Variants in NPEPL1 observed in about 807,000 individuals in gnomAD.
NPEPL1 encodes the protein probable aminopeptidase NPEPL1.
NPEPL1 carries 45 observed loss-of-function variants against 52.4 expected under a neutral mutation model. That is an observed-to-expected ratio of 0.86 (90% confidence interval 0.68 to 1.10). The LOEUF (loss-of-function observed/expected upper bound fraction) is 1.10. Ranked by LOEUF, NPEPL1 falls within the 50% of genes least tolerant of loss-of-function variation. The pLI is 0.00. For missense variants in NPEPL1, 696 were observed against 710.9 expected (o/e 0.98, Z 0.24); for synonymous variants, 360 against 314.7 (o/e 1.14, Z -1.52).
intron 6 of NPEPL1, chr20:58,703,882 C>G: frequency 5.1e-6 from 5 of 985,374 alleles, no homozygotes; most frequent in Non-Finnish European, 6.0e-6. Context: ...GAAAATGCGA[C>G]TATAGCCCCT....
intron 3 of NPEPL1, 98 bp from the exon 4 acceptor site, chr20:58,698,586 G>A: frequency 6.4e-6 from 6 of 940,522 alleles, no homozygotes; most frequent in Middle Eastern, 2.1e-4. Context: ...AGCCCTGTGG[G>A]TGATGTTTGC....
chr20:58,689,728 A>G (rs911488485), upstream of NPEPL1, among the ~76,000 whole-genome samples: 4 of 151,960 alleles, frequency 2.6e-5, no homozygotes, highest in African/African-American at 4.8e-5. Context: ...CCCTAACTCA[A>G]TCTTCTCCCA....
Position 58,693,036 on chromosome 20 carries a change from C to G in NPEPL1, c.136C>G (p.Arg46Gly). 1 of 1,051,974 alleles carries G rather than the reference C, an allele frequency of 9.5e-7. No individual in the cohort carries two copies. Among genetic ancestry groups the G allele is most frequent in the Non-Finnish European group, 1.1e-6 (1 of 870,156 alleles). 65.2% of individuals were successfully genotyped at this position (1,051,974 alleles called of 1,614,324 possible). A position where few individuals can be genotyped will look rare whatever the true frequency, so the allele number is the denominator to read the frequency against. ...WSHVRGKLQP[R>G]VTEELWQAAL... ...CCACGTCCGCGGGAAGCTGCAGCCC[C>G]GGGTCACCGAGGAGGTGAGCGGGCC... The change falls in exon 1 of 12, where the codon CGG (arginine) becomes GGG (glycine). Residue 46 changes from arginine to glycine, a missense_variant. Transcript: ENST00000356091.
At chr20:58,698,562 G>A (rs914939257) in intron 3 of NPEPL1, 122 bp from the exon 4 acceptor site, 6 of 810,714 alleles carry the variant, frequency 7.4e-6, no homozygotes, top group South Asian at 1.4e-5. Context: ...CCCTCTCTTT[G>A]CTGCCCTGTC....
chr20:58,707,473 C>T (rs762105626), intron 7 of NPEPL1, among the ~76,000 whole-genome samples: 1 of 152,238 alleles, frequency 6.6e-6, no homozygotes, highest in Non-Finnish European at 1.5e-5. Context: ...GCGGTTGGCT[C>T]AATGAGGAAG....
chr20:58,706,687 G>GA (rs1568856236), intron 6 of NPEPL1, among the ~76,000 whole-genome samples: 1 of 151,770 alleles, frequency 6.6e-6, no homozygotes, highest in Non-Finnish European at 1.5e-5. Flanking sequence ...GCGGAGGAGT[G>GA]GAGAGAGTGG....
Position 58,694,518 on chromosome 20 carries a change from G to A in NPEPL1, c.433G>A (p.Glu145Lys), listed in dbSNP as rs1568846911. 1 of 1,613,920 alleles carries A rather than the reference G, an allele frequency of 6.2e-7. No homozygotes were observed. The highest frequency in any genetic ancestry group is 8.5e-7 in the Non-Finnish European group (1 of 1,179,896). The change falls in exon 3 of 12, where the codon GAG becomes AAG. Residue 145 changes from glutamate (E) to lysine (K), a missense_variant. Glu to Lys is a moderately conservative substitution (Grantham distance 56, BLOSUM62 1). Coordinates refer to ENST00000356091, the MANE Select transcript of NPEPL1 (RefSeq NM_024663.4). ...CCGCTCAGGTGCCTCTCGGCGCTTG[G>A]AGAAGAAGACGGTCACCGTGGAGTT... ...THRSGASRRL[E>K]KKTVTVEFFL...
upstream of NPEPL1, chr20:58,691,711 T>TTTTTTTTGG: frequency 1.4e-6 from 1 of 700,738 alleles, no homozygotes; most frequent in South Asian, 2.0e-5. Flanking sequence ...TTTTTTTTTT[T>TTTTTTTTGG]TTTCATTTTT....
chr20:58,707,248 C>T (rs1411677453), intron 7 of NPEPL1, 48 bp downstream of exon 7: 15 of 1,477,426 alleles, frequency 1.0e-5, no homozygotes, highest in South Asian at 7.7e-5. Flanking sequence ...GGGTGTGCCT[C>T]GTGGGTGCTC....
intron 8 of NPEPL1, 174 bp downstream of exon 8, chr20:58,712,753 C>CA (rs1018377573): frequency 1.4e-6 from 1 of 690,986 alleles, no homozygotes; most frequent in African/African-American, 1.8e-5. Flanking sequence ...AGGCGCACCT[C>CA]ACGTTGAGGG....
chr20:58,714,028 T>C lies in NPEPL1; in HGVS notation c.1237T>C (p.Tyr413His). ...KCGDLVHPLV[Y>H]CPELHFSEFT... ...TGGGGACCTGGTGCACCCGCTGGTC[T>C]ACTGCCCCGAGCTGCACTTCAGCGA... Residue 413 changes from tyrosine (Y) to histidine (H), a missense_variant, in exon 10 of 12, where the codon TAC (tyrosine) becomes CAC (histidine). By Grantham distance (83) the Tyr-to-His change is moderately conservative. Coordinates refer to ENST00000356091, the MANE Select transcript of NPEPL1 (RefSeq NM_024663.4). 1.3e-6 allele frequency: 2 copies of C among 1,532,752 alleles called. No individual in the cohort carries two copies. The highest frequency in any genetic ancestry group is 1.8e-6 in the Non-Finnish European group (2 of 1,142,232). 94.9% of individuals were successfully genotyped at this position (1,532,752 alleles called of 1,614,324 possible).
rs1234501595 is a variant in NPEPL1 at position 58,692,811 on chromosome 20, G to T, written c.-90G>T. Reference sequence around the variant, plus strand: ...GCGGGCTGCCGGGCAGGGCCGGGGCGGTGCCGAGGCCGGGCCGGAGCGGGG... The same window carrying T: ...GCGGGCTGCCGGGCAGGGCCGGGGCTGTGCCGAGGCCGGGCCGGAGCGGGG... On this transcript the variant is annotated 5_prime_UTR_variant, in exon 1 of 12. Coordinates refer to ENST00000356091, the MANE Select transcript of NPEPL1 (RefSeq NM_024663.4). This position sits in a 1 kb window ranked among gnomAD's most constrained non-coding sequence, Gnocchi z 5.7. 1 of 974,510 alleles carries T rather than the reference G, an allele frequency of 1.0e-6. No homozygotes were observed. Among genetic ancestry groups the T allele is most frequent in the Non-Finnish European group, 1.2e-6 (1 of 822,598 alleles). The allele number at this position is 974,510 out of a possible 1,614,324, so 60.4% of individuals were successfully genotyped here. A position where few individuals can be genotyped will look rare whatever the true frequency, so the allele number is the denominator to read the frequency against.
chr20:58,695,445 A>G (rs1358438714), intron 3 of NPEPL1, among the ~76,000 whole-genome samples: 2 of 152,192 alleles, frequency 1.3e-5, no homozygotes, highest in African/African-American at 4.8e-5. Context: ...GTGATTTCCC[A>G]GCTCCAGATC....
chr20:58,695,320 G>GGT (rs556803572), intron 3 of NPEPL1, among the ~76,000 whole-genome samples: 1 of 152,262 alleles, frequency 6.6e-6, no homozygotes, highest in Non-Finnish European at 1.5e-5. Context: ...GTGCATGAGT[G>GGT]GTGTGTGTGT....
chr20:58,691,620 G>T, upstream of NPEPL1: 1 of 644,332 alleles, frequency 1.6e-6, no homozygotes, highest in Non-Finnish European at 2.7e-6. Context: ...GGGGCCAGCT[G>T]GGAGGTCAGT....
At chr20:58,691,121 C>T (rs1446855653), upstream of NPEPL1, 1 of 703,296 alleles carries the variant, frequency 1.4e-6, no homozygotes, top group Admixed American at 2.0e-5. Context: ...CTTAGTCTCT[C>T]ACCCTCTAGG....
At position 58,713,663 on chromosome 20, in the gene NPEPL1, C is replaced by T; in HGVS notation, c.1125+120C>T. 7.4e-7 allele frequency: 1 copy of T among 1,349,496 alleles called. No homozygotes were observed. 83.6% of individuals were successfully genotyped at this position (1,349,496 alleles called of 1,614,324 possible). ...CCGTCAGGAAGTTTTCATAACTGGG[C>T]ACGAGGAGGCAGGAGGAGCTGCCCG... On this transcript the variant is annotated intron_variant, in intron 9 of 11. Transcript: ENST00000356091. This position sits in a 1 kb window ranked among gnomAD's most constrained non-coding sequence, Gnocchi z 4.6.
chr20:58,696,097 G>A (rs1038306900), intron 3 of NPEPL1, among the ~76,000 whole-genome samples: 24 of 152,328 alleles, frequency 1.6e-4, no homozygotes, highest in African/African-American at 4.6e-4. Flanking sequence ...AGGTGGGCAC[G>A]GGTGCCCGCA....
chr20:58,696,327 G>A (rs1461720478), intron 3 of NPEPL1, among the ~76,000 whole-genome samples: 1 of 152,184 alleles, frequency 6.6e-6, no homozygotes, highest in East Asian at 1.9e-4. Flanking sequence ...GGGAGGCCTG[G>A]CCCTCTTGGC....
Sources: allele counts gnomAD v4.1 joint callset (sites outside exome capture counted in the v4.1 genomes callset), GRCh38; gene constraint gnomAD v4.1.1; non-coding constraint Gnocchi (gnomAD v3.1); transcripts MANE v1.5; gene names NCBI Gene and HGNC (gene_info 2026-07-23, HGNC 2026-07-21).